ROBO1: variants seen among roughly 807,000 people sequenced by gnomAD.
ROBO1 encodes the protein roundabout guidance receptor 1, also known as roundabout homolog 1.
ROBO1 carries 149 observed loss-of-function variants against 195.9 expected under a neutral mutation model. That is an observed-to-expected ratio of 0.76 (90% CI 0.67 to 0.87). The LOEUF (loss-of-function observed/expected upper bound fraction) is 0.87, where lower values mean the gene tolerates loss of function less well. ROBO1 is among the 40% of genes least tolerant of loss of function. The probability of loss-of-function intolerance (pLI) is 0.00; values close to 1 mark genes in which losing one functional copy is unlikely to be tolerated. For synonymous variants in ROBO1, 816 were observed against 733.2 expected (o/e 1.11, Z -1.82); for missense variants, 1,933 against 2,068.3 (o/e 0.93, Z 1.27).
intron 2 of ROBO1, among the ~76,000 whole-genome samples, chr3:79,368,836 G>A (rs1480959314): frequency 6.6e-6 from 1 of 152,006 alleles, no homozygotes; most frequent in Non-Finnish European, 1.5e-5. Context: ...CTGCTTTTAG[G>A]TACTTAGATA....
At chr3:78,782,656 A>C (rs908156298) in intron 4 of ROBO1, among the ~76,000 whole-genome samples, 4 of 152,314 alleles carry the variant, frequency 2.6e-5, no homozygotes, top group African/African-American at 9.6e-5. Flanking sequence ...TCCTGAATCT[A>C]TAAACACCAC....
chr3:79,750,807 C>A (rs924577090), intron 1 of ROBO1, among the ~76,000 whole-genome samples: 3 of 152,246 alleles, frequency 2.0e-5, no homozygotes, highest in African/African-American at 7.2e-5. Flanking sequence ...TCTTTATTAG[C>A]AGCTTGAATA....
intron 2 of ROBO1, among the ~76,000 whole-genome samples, chr3:79,585,888 A>G (rs1054879975): frequency 2.0e-5 from 3 of 151,976 alleles, no homozygotes; most frequent in Non-Finnish European, 4.4e-5. Context: ...TTGCCTATGA[A>G]CAAGCAATCT....
chr3:79,370,642 T>C (rs1268553743), intron 2 of ROBO1, among the ~76,000 whole-genome samples: 2 of 151,146 alleles, frequency 1.3e-5, no homozygotes, highest in Non-Finnish European at 2.9e-5. Context: ...AAGTTATATA[T>C]ATATATAAAA....
intron 2 of ROBO1, among the ~76,000 whole-genome samples, chr3:79,226,172 A>G (rs985431348): frequency 6.6e-6 from 1 of 152,122 alleles, no homozygotes; most frequent in African/African-American, 2.4e-5. Context: ...CATCATTTTA[A>G]TAATTATAAT....
At chr3:79,577,826 C>T (rs1159935426) in intron 2 of ROBO1, among the ~76,000 whole-genome samples, 4 of 151,686 alleles carry the variant, frequency 2.6e-5, no homozygotes, top group East Asian at 1.9e-4. Flanking sequence ...GCAGGAGAAT[C>T]GCTTGAACTC....
intron 1 of ROBO1, among the ~76,000 whole-genome samples, chr3:79,730,878 C>T (rs771410249): frequency 8.1e-5 from 12 of 148,872 alleles, no homozygotes; most frequent in African/African-American, 2.2e-4. Context: ...CCTGGGTTCA[C>T]GCCATTCTCC....
At chr3:79,457,197 T>C (rs557575326) in intron 2 of ROBO1, among the ~76,000 whole-genome samples, 67 of 152,294 alleles carry the variant, frequency 4.4e-4, no homozygotes, top group African/African-American at 1.5e-3. Context: ...GCACAGTCAT[T>C]AGTACAAACA....
At chr3:79,342,045 T>C (rs992608974) in intron 2 of ROBO1, among the ~76,000 whole-genome samples, 4 of 152,032 alleles carry the variant, frequency 2.6e-5, no homozygotes, top group Non-Finnish European at 4.4e-5. Flanking sequence ...CTCAAAGCCA[T>C]GGAAATAAGT....
At chr3:78,646,931 T>C (rs532328314) in intron 20 of ROBO1, among the ~76,000 whole-genome samples, 1 of 152,136 alleles carries the variant, frequency 6.6e-6, no homozygotes, top group South Asian at 2.1e-4. Context: ...TTTCTGTAAA[T>C]ACAGACACAT....
intron 1 of ROBO1, among the ~76,000 whole-genome samples, chr3:79,743,483 A>G (rs1277285551): frequency 2.0e-5 from 3 of 152,156 alleles, no homozygotes; most frequent in Non-Finnish European, 4.4e-5. Flanking sequence ...GATCTAGGAT[A>G]TTGCTATATA....
chr3:78,963,379 G>A (rs190999889), intron 3 of ROBO1, among the ~76,000 whole-genome samples: 4 of 150,804 alleles, frequency 2.7e-5, no homozygotes, highest in Non-Finnish European at 5.9e-5. Flanking sequence ...AACATGGTGG[G>A]TTAGAAATAA....
chr3:78,950,103 C>A (rs1052249377), intron 3 of ROBO1, among the ~76,000 whole-genome samples: 3 of 152,086 alleles, frequency 2.0e-5, no homozygotes, highest in Admixed American at 1.3e-4. Flanking sequence ...GTCCGTGTGG[C>A]GATTCCTCAG....
At chr3:78,995,351 A>C (rs1425658501) in intron 3 of ROBO1, among the ~76,000 whole-genome samples, 1 of 152,046 alleles carries the variant, frequency 6.6e-6, no homozygotes, top group East Asian at 1.9e-4. Context: ...AGGGTGGTTA[A>C]TGACGCCAGC....
chr3:79,220,700 G>A lies in ROBO1; in HGVS notation c.89-95161C>T, dbSNP rs75074642. On this transcript the variant is annotated intron_variant, in intron 2 of 30. Transcript: ENST00000464233. ...ACTGTGTATCTTCAGAGGAAAAAGA[G>A]AAAGAATCCCTTATTAAATAAATCA... 3.9e-3 allele frequency among the ~76,000 whole-genome samples: 598 copies of A among 152,082 alleles called. 6 individuals carry two copies. The highest frequency in any genetic ancestry group is 0.014 in the African/African-American group (579 of 41,516).
intron 4 of ROBO1, among the ~76,000 whole-genome samples, chr3:78,845,270 TTTAG>T (rs2033580008): frequency 1.3e-5 from 2 of 151,724 alleles, no homozygotes; most frequent in Non-Finnish European, 2.9e-5. Flanking sequence ...GTGCACAGAT[TTTAG>T]AGATTTAATA....
chr3:78,814,553 TA>T (rs1004253228), intron 4 of ROBO1, among the ~76,000 whole-genome samples: 7 of 151,526 alleles, frequency 4.6e-5, no homozygotes, highest in Admixed American at 6.6e-5. Context: ...CATCTTGTGT[TA>T]AAAAAAATAT....
At chr3:79,345,388 A>C (rs1053952336) in intron 2 of ROBO1, among the ~76,000 whole-genome samples, 1 of 152,126 alleles carries the variant, frequency 6.6e-6, no homozygotes, top group Non-Finnish European at 1.5e-5. Flanking sequence ...CACGTGACTC[A>C]GTGAGGAATC....
rs543232315 is a variant in ROBO1 at position 78,803,234 on chromosome 3, C to T, written c.500-56334G>A. Among the ~76,000 whole-genome samples, 15 of 152,284 alleles carry T rather than the reference C, an allele frequency of 9.9e-5. No homozygotes were observed. The South Asian group carries it at 3.1e-3, about 32-fold the overall frequency. On this transcript the variant is annotated intron_variant, in intron 4 of 30. Transcript: ENST00000464233. ...AACAGGAAACAATGTCTCTCTTTCT[C>T]TTCCTCATAGGGTTGCTGTGAAGAC...
Sources: allele counts gnomAD v4.1 joint callset (sites outside exome capture counted in the v4.1 genomes callset), GRCh38; gene constraint gnomAD v4.1.1; transcripts MANE v1.5; gene names NCBI Gene and HGNC (gene_info 2026-07-23, HGNC 2026-07-21).